Variants in PTPRD observed in about 807,000 individuals in gnomAD.
PTPRD encodes the protein protein tyrosine phosphatase receptor type D.
PTPRD carries 34 observed loss-of-function variants against 214.5 expected under a neutral mutation model. That is an observed-to-expected ratio of 0.16 (90% confidence interval 0.12 to 0.21). PTPRD has a LOEUF of 0.21. Ranked by LOEUF, PTPRD falls within the 10% of genes least tolerant of loss-of-function variation. The probability of loss-of-function intolerance (pLI) is 1.00; values close to 1 mark genes in which losing one functional copy is unlikely to be tolerated. For synonymous variants in PTPRD, 1,128 were observed against 845.7 expected, an observed-to-expected ratio of 1.33 and a Z score of -5.79; for missense variants, 2,545 against 2,398.7, an observed-to-expected ratio of 1.06 and a Z score of -1.27.
intron 3 of PTPRD, among the ~76,000 whole-genome samples, chr9:10,110,862 A>G (rs1453874344): frequency 5.9e-5 from 9 of 152,244 alleles, no homozygotes; most frequent in Admixed American, 5.9e-4. Flanking sequence ...TATCTAATGC[A>G]GCCGACTTTT....
intron 11 of PTPRD, among the ~76,000 whole-genome samples, chr9:8,968,360 C>T (rs1204772446): frequency 6.6e-6 from 1 of 151,974 alleles, no homozygotes; most frequent in African/African-American, 2.4e-5. Context: ...AACTAGTTTA[C>T]AGTCCCACCA....
At chr9:9,767,178 T>C (rs999595578) in intron 5 of PTPRD, among the ~76,000 whole-genome samples, 4 of 151,918 alleles carry the variant, frequency 2.6e-5, no homozygotes, top group Non-Finnish European at 5.9e-5. Flanking sequence ...ATGCAAAAAA[T>C]CAAACATCGC....
chr9:9,516,541 A>T (rs945137364), intron 8 of PTPRD, among the ~76,000 whole-genome samples: 10 of 149,404 alleles, frequency 6.7e-5, no homozygotes, highest in Non-Finnish European at 1.0e-4. Context: ...ATTTTATTTT[A>T]TTTATTTATT....
chr9:10,190,399 A>C (rs1372094476), intron 3 of PTPRD, among the ~76,000 whole-genome samples: 45 of 51,764 alleles, frequency 8.7e-4, no homozygotes, highest in African/African-American at 3.9e-3. Context: ...AAAAAAAAAA[A>C]AAAAAAAAAA....
At chr9:10,273,376 AG>A (rs990472873) in intron 3 of PTPRD, among the ~76,000 whole-genome samples, 1 of 152,130 alleles carries the variant, frequency 6.6e-6, no homozygotes, top group African/African-American at 2.4e-5. Context: ...CAAGCCTATA[AG>A]AAAATTGTTT....
chr9:9,687,959 C>T (rs1271033651), intron 7 of PTPRD, among the ~76,000 whole-genome samples: 2 of 151,848 alleles, frequency 1.3e-5, no homozygotes, highest in Non-Finnish European at 1.5e-5. Context: ...GGCAGTTTCA[C>T]TCACGCTGTT....
At chr9:10,013,953 A>C (rs1280790781) in intron 4 of PTPRD, among the ~76,000 whole-genome samples, 1 of 151,956 alleles carries the variant, frequency 6.6e-6, no homozygotes, top group Non-Finnish European at 1.5e-5. Context: ...TGAATGAAAC[A>C]AAGGACAAAT....
chr9:9,962,379 A>T (rs947471933), intron 4 of PTPRD, among the ~76,000 whole-genome samples: 40 of 152,222 alleles, frequency 2.6e-4, no homozygotes, highest in Admixed American at 6.5e-4. Context: ...TTACCAACAA[A>T]CAATTTGATT....
At chr9:8,826,385 C>A (rs1434885795) in intron 11 of PTPRD, among the ~76,000 whole-genome samples, 2 of 152,184 alleles carry the variant, frequency 1.3e-5, no homozygotes, top group Non-Finnish European at 1.5e-5. Flanking sequence ...GAAATCCAAT[C>A]TCATTACCAA....
At chr9:9,027,614 G>A (rs4742560) in intron 10 of PTPRD, among the ~76,000 whole-genome samples, 20,460 of 151,726 alleles carry the variant, frequency 0.13, 2,024 homozygotes, top group African/African-American at 0.27. Flanking sequence ...AAAATCTTCA[G>A]GACCTATCTA....
intron 43 of PTPRD, among the ~76,000 whole-genome samples, chr9:8,334,125 A>G (rs911355697): frequency 1.1e-4 from 17 of 152,176 alleles, no homozygotes; most frequent in African/African-American, 4.1e-4. Context: ...TATTAGATCA[A>G]TGACACAGAA....
intron 3 of PTPRD, among the ~76,000 whole-genome samples, chr9:10,107,621 T>C (rs2098647673): frequency 6.6e-6 from 1 of 152,116 alleles, no homozygotes; most frequent in Non-Finnish European, 1.5e-5. Flanking sequence ...TAATAGTACC[T>C]GGCACCATTC....
At chr9:8,654,318 G>T (rs978004220) in intron 12 of PTPRD, among the ~76,000 whole-genome samples, 1 of 152,042 alleles carries the variant, frequency 6.6e-6, no homozygotes, top group South Asian at 2.1e-4. Flanking sequence ...TAGCTTATAA[G>T]TGTTCATCTT....
chr9:9,943,097 C>T (rs1030402387), intron 4 of PTPRD, among the ~76,000 whole-genome samples: 1 of 152,080 alleles, frequency 6.6e-6, no homozygotes, highest in African/African-American at 2.4e-5. Context: ...ACCCAAGTCT[C>T]CTTGGTCCTG....
At chr9:10,091,186 A>T (rs2098425748) in intron 3 of PTPRD, among the ~76,000 whole-genome samples, 1 of 151,554 alleles carries the variant, frequency 6.6e-6, no homozygotes, top group Non-Finnish European at 1.5e-5. Context: ...TATCAGAGGT[A>T]TTCAAGTACT....
chr9:9,592,179 T>C (rs1410304156), intron 7 of PTPRD, among the ~76,000 whole-genome samples: 1 of 152,108 alleles, frequency 6.6e-6, no homozygotes, highest in Non-Finnish European at 1.5e-5. Context: ...TTCACTAATT[T>C]AAAATACACC....
intron 4 of PTPRD, among the ~76,000 whole-genome samples, chr9:9,974,919 C>T (rs976569809): frequency 1.2e-4 from 18 of 152,078 alleles, no homozygotes; most frequent in African/African-American, 4.3e-4. Flanking sequence ...AGCCTTATTT[C>T]TGAGATATTT....
At chr9:9,910,448 T>C (rs1167505952) in intron 5 of PTPRD, among the ~76,000 whole-genome samples, 1 of 152,050 alleles carries the variant, frequency 6.6e-6, no homozygotes, top group Non-Finnish European at 1.5e-5. Flanking sequence ...GAAAATATAC[T>C]GAGCTGAAAG....
chr9:10,063,571 A>G (rs1057015117), intron 3 of PTPRD, among the ~76,000 whole-genome samples: 2 of 152,044 alleles, frequency 1.3e-5, no homozygotes, highest in African/African-American at 4.8e-5. Flanking sequence ...ACAGATAGCT[A>G]CTCTATGGCA....
Sources: allele counts gnomAD v4.1 joint callset (sites outside exome capture counted in the v4.1 genomes callset), GRCh38; gene constraint gnomAD v4.1.1; transcripts MANE v1.5; gene names NCBI Gene and HGNC (gene_info 2026-07-23, HGNC 2026-07-21).